D2HGDH: variants seen among roughly 807,000 people sequenced by gnomAD.
D2HGDH encodes D-2-hydroxyglutarate dehydrogenase, mitochondrial.
In D2HGDH, 31 loss-of-function variants were observed where a neutral mutation model predicts 46.9. The observed-to-expected ratio is 0.66, with a 90% CI of 0.50 to 0.89. D2HGDH has a LOEUF of 0.89. Among genes scored for constraint, D2HGDH ranks in the 40% least tolerant of loss-of-function variants. The pLI, the probability that D2HGDH is intolerant of heterozygous loss-of-function variation, is 0.00. For missense variants in D2HGDH, 698 were observed against 720.8 expected, an observed-to-expected ratio of 0.97 and a Z score of 0.36; for synonymous variants, 364 against 332.6, an observed-to-expected ratio of 1.09 and a Z score of -1.03.
rs561094508 is a variant in D2HGDH at position 241,741,107 on chromosome 2, CG to C, written c.350+19del. ...CATCCTCAGGTGAGGTGGTGGCTCC[CG>C]GCTCCCCCAGCCTTCCCTGTTGCCT... is the stretch of plus-strand genomic sequence containing the variant. On this transcript the variant is annotated intron_variant, in intron 3 of 9. Coordinates refer to ENST00000321264, the MANE Select transcript of D2HGDH (RefSeq NM_152783.5). 2.8e-4 allele frequency: 453 copies of C among 1,611,648 alleles called. 1 individual carries two copies. In the African/African-American group the frequency reaches 5.6e-3, roughly 20 times the overall value.
Position 241,742,099 on chromosome 2 carries a change from G to A in D2HGDH, c.351-336G>A, listed in dbSNP as rs919547261. 4.6e-5 allele frequency among the ~76,000 whole-genome samples: 7 copies of A among 152,148 alleles called. No homozygotes were observed. Among genetic ancestry groups the A allele is most frequent in the African/African-American group, 1.2e-4 (5 of 41,418 alleles). Reference sequence around the variant, plus strand: ...GGGTGGAAGGCAGTGGGGGCAGTGCGGTCGAGGAACCCTGAGCTGGACCCT... The same window carrying A: ...GGGTGGAAGGCAGTGGGGGCAGTGCAGTCGAGGAACCCTGAGCTGGACCCT... On this transcript the variant is annotated intron_variant, in intron 3 of 9. Transcript: ENST00000321264. This position sits in a 1 kb window ranked among gnomAD's most constrained non-coding sequence, Gnocchi z 4.8.
chr2:241,737,485 G>C (rs1035475617), intron 2 of D2HGDH, among the ~76,000 whole-genome samples: 5 of 97,740 alleles, frequency 5.1e-5, no homozygotes, highest in African/African-American at 2.2e-4. Flanking sequence ...ACAGTGCCCA[G>C]TTTTCTCTTT....
intron 2 of D2HGDH, among the ~76,000 whole-genome samples, chr2:241,738,128 G>A (rs918832089): frequency 6.6e-6 from 1 of 152,190 alleles, no homozygotes; most frequent in African/African-American, 2.4e-5. Context: ...TCACTGTGTA[G>A]GAGCTCTCTT....
At chr2:241,746,629 C>A (rs1459540194) in intron 6 of D2HGDH, among the ~76,000 whole-genome samples, 1 of 151,966 alleles carries the variant, frequency 6.6e-6, no homozygotes, top group African/African-American at 2.4e-5. Flanking sequence ...GTAGTTCACA[C>A]CTGTAATCCC....
intron 9 of D2HGDH, among the ~76,000 whole-genome samples, chr2:241,758,173 G>A (rs1229674713): frequency 6.6e-6 from 1 of 152,100 alleles, no homozygotes. Context: ...TATGTTTGGT[G>A]TGGGATTTTG....
chr2:241,740,427 A>G (rs1042065639), intron 2 of D2HGDH, among the ~76,000 whole-genome samples: 9 of 152,190 alleles, frequency 5.9e-5, no homozygotes, highest in South Asian at 2.1e-4. Flanking sequence ...GGAGCTGCCA[A>G]TGCCTGGCCT....
At chr2:241,760,676 A>C (rs1371352923) in intron 9 of D2HGDH, among the ~76,000 whole-genome samples, 13 of 126,310 alleles carry the variant, frequency 1.0e-4, no homozygotes, top group South Asian at 5.0e-4. Context: ...CAGTCGAAGG[A>C]CTTCGACACA....
intron 8 of D2HGDH, chr2:241,755,562 G>A (rs1199465247): frequency 4.2e-6 from 6 of 1,434,094 alleles, no homozygotes; most frequent in South Asian, 1.2e-5. Context: ...AGGGTGCTCG[G>A]TGCTGTCGTG....
chr2:241,734,924 G>A (rs975076308), intron 1 of D2HGDH: 2 of 363,476 alleles, frequency 5.5e-6, no homozygotes, highest in East Asian at 4.3e-5. Context: ...GCAAGGTCCC[G>A]GCGAGGCCGC....
At position 241,755,974 on chromosome 2, in the gene D2HGDH, C is replaced by A; in HGVS notation, c.1266C>A (p.Leu422=). The A allele has an allele frequency of 6.2e-7, 1 of 1,604,606 alleles. No homozygotes were observed. The highest frequency in any genetic ancestry group is 1.1e-5 in the South Asian group (1 of 90,882). ...TCGTGACTGACCTGCGCGCCCGCCT[C>A]GGCCCGCACGCCAAGCACGTGGTGG... ...YDIVTDLRAR[L]GPHAKHVVGY... is the part of the protein sequence containing the mutation. Residue 422 remains leucine (L), a synonymous_variant, in exon 9 of 10, where the codon CTC becomes CTA. Transcript: ENST00000321264.
At chr2:241,745,797 C>A (rs1366067278) in intron 6 of D2HGDH, among the ~76,000 whole-genome samples, 2 of 152,190 alleles carry the variant, frequency 1.3e-5, no homozygotes, top group Admixed American at 1.3e-4. Flanking sequence ...ACCTTTATTT[C>A]ATCCTCATTC....
chr2:241,752,298 G>GC (rs1266347924), intron 8 of D2HGDH, among the ~76,000 whole-genome samples: 1 of 152,132 alleles, frequency 6.6e-6, no homozygotes, highest in Non-Finnish European at 1.5e-5. Context: ...GTGTCCTGAT[G>GC]CCCAGCCCAG....
intron 9 of D2HGDH, among the ~76,000 whole-genome samples, chr2:241,767,496 G>C (rs113902227): frequency 1.5e-5 from 2 of 137,810 alleles, no homozygotes; most frequent in Non-Finnish European, 3.1e-5. Flanking sequence ...GTAGGAAGAG[G>C]GGGGAGAACT....
At chr2:241,760,930 C>G (rs1259056764) in intron 9 of D2HGDH, among the ~76,000 whole-genome samples, 1 of 152,192 alleles carries the variant, frequency 6.6e-6, no homozygotes, top group African/African-American at 2.4e-5. Flanking sequence ...ATCTTTCTCT[C>G]TCTGTTTGTT....
intron 9 of D2HGDH, among the ~76,000 whole-genome samples, chr2:241,763,759 G>A (rs780391243): frequency 2.0e-5 from 3 of 152,148 alleles, no homozygotes; most frequent in Admixed American, 6.5e-5. Context: ...CGCCAGGCAC[G>A]TGGCTCACAC....
At chr2:241,744,588 C>A in intron 5 of D2HGDH, 121 bp from the exon 6 acceptor site, 1 of 1,235,142 alleles carries the variant, frequency 8.1e-7, no homozygotes, top group Non-Finnish European at 1.2e-6. Context: ...GGAGGAAAGT[C>A]CATCCTTCAG....
Position 241,767,749 on chromosome 2 carries a change from T to G in D2HGDH, c.1346T>G (p.Phe449Cys). 1.2e-6 allele frequency: 2 copies of G among 1,612,772 alleles called. No homozygotes were observed. The highest frequency in any genetic ancestry group is 1.7e-6 in the Non-Finnish European group (2 of 1,179,588). The change falls in exon 10 of 10, where the codon TTC (phenylalanine) becomes TGC (cysteine). Residue 449 changes from phenylalanine to cysteine, a missense_variant. Physicochemically the swap from Phe to Cys is radical, Grantham distance 205. Transcript: ENST00000321264. ...CACCTCAATGTGACGGCGGAGGCCT[T>G]CAGCCCCTCGCTCCTGGCTGCCCTG... ...NLHLNVTAEAFSPSLLAALEP... is the reference protein window; with the variant it reads ...NLHLNVTAEACSPSLLAALEP...
chr2:241,749,032 C>T (rs529123833), intron 6 of D2HGDH: 33 of 992,850 alleles, frequency 3.3e-5, no homozygotes, highest in Admixed American at 5.9e-5. Context: ...TGGTGTCCCT[C>T]GTGCTCGTGG....
chr2:241,762,723 A>G (rs1418716064), intron 9 of D2HGDH, among the ~76,000 whole-genome samples: 1 of 152,196 alleles, frequency 6.6e-6, no homozygotes, highest in East Asian at 1.9e-4. Context: ...ATCGGCCGTC[A>G]GATCTGTCTG....
Sources: gnomAD v4.1 joint callset for allele counts (sites outside exome capture counted in the v4.1 genomes callset) on GRCh38, gnomAD v4.1.1 for gene constraint, Gnocchi (gnomAD v3.1) non-coding constraint, MANE v1.5 for transcripts, NCBI Gene and HGNC (gene_info 2026-07-23, HGNC 2026-07-21) for gene names.